UNC5B: variants seen among roughly 807,000 people sequenced by gnomAD.
The protein encoded by UNC5B is unc-5 netrin receptor B, also known as netrin receptor UNC5B.
A neutral mutation model predicts 103.7 loss-of-function variants in UNC5B; 56 were observed. The ratio of observed to expected loss-of-function variants is 0.54; its 90% CI spans 0.44 to 0.67. The LOEUF (loss-of-function observed/expected upper bound fraction) is 0.67, where lower values mean the gene tolerates loss of function less well. Ranked by LOEUF, UNC5B falls within the 30% of genes least tolerant of loss-of-function variation. The pLI is 0.00. For synonymous variants in UNC5B, 577 were observed against 542.0 expected (o/e 1.06, Z -0.90); for missense variants, 1,194 against 1,284.5 (o/e 0.93, Z 1.08).
intron 6 of UNC5B, 84 bp downstream of exon 6, chr10:71,287,849 T>C (rs934788678): frequency 1.9e-5 from 29 of 1,516,672 alleles, no homozygotes; most frequent in Admixed American, 4.7e-5. Flanking sequence ...ACAGCCATTC[T>C]CTCCCCAGCA....
chr10:71,291,959 G>C, intron 10 of UNC5B, 138 bp downstream of exon 10: 2 of 1,325,984 alleles, frequency 1.5e-6, no homozygotes. Flanking sequence ...AAGGCAGGAA[G>C]TGAGTATAAA....
At chr10:71,275,641 G>A (rs983007922) in intron 1 of UNC5B, among the ~76,000 whole-genome samples, 1 of 151,856 alleles carries the variant, frequency 6.6e-6, no homozygotes, top group Non-Finnish European at 1.5e-5. Context: ...CTCTATGCCA[G>A]TCACTTAAAC....
rs977364814 is a variant in UNC5B at position 71,291,813 on chromosome 10, C to A, written c.1676C>A (p.Pro559His). 6.3e-7 allele frequency: 1 copy of A among 1,596,026 alleles called. No individual in the cohort carries two copies. The highest frequency in any genetic ancestry group is 1.7e-5 in the Admixed American group (1 of 59,642). Reference protein sequence around the residue: ...FGCLGGRLSIPGTGVSLLVPN... With the variant: ...FGCLGGRLSIHGTGVSLLVPN... The stretch of plus-strand genomic sequence containing the variant: ...TGCCTGGGTGGGAGGCTCAGCATCC[C>A]CGGCACAGGTGAGCCCCTGCCCTGC... The change falls in exon 10 of 17, where the codon CCC becomes CAC. Residue 559 changes from proline (P) to histidine (H), a missense_variant. By Grantham distance (77) the Pro-to-His change is moderately conservative (BLOSUM62 -2). Coordinates refer to ENST00000335350, the MANE Select transcript of UNC5B (RefSeq NM_170744.5).
chr10:71,242,770 C>A (rs930234260), intron 1 of UNC5B, among the ~76,000 whole-genome samples: 1 of 152,194 alleles, frequency 6.6e-6, no homozygotes, highest in African/African-American at 2.4e-5. Flanking sequence ...GAATCTCACA[C>A]ACACGTGTTG....
intron 1 of UNC5B, among the ~76,000 whole-genome samples, chr10:71,267,640 GGTCAAGAGGA>G (rs919915969): frequency 1.3e-5 from 2 of 152,204 alleles, no homozygotes; most frequent in African/African-American, 4.8e-5. Context: ...CCACAGGCAT[GGTCAAGAGGA>G]GGCCCCCAGG....
rs1285998361 is a variant in UNC5B at position 71,299,397 on chromosome 10, TCTC to T, written c.*130_*132del. 31 of 1,292,660 alleles carry T rather than the reference TCTC, an allele frequency of 2.4e-5. No individual in the cohort carries two copies. Among genetic ancestry groups the T allele is most frequent in the Admixed American group, 6.3e-5 (3 of 47,858 alleles). The allele number at this position is 1,292,660 out of a possible 1,614,324, so 80.1% of individuals were successfully genotyped here. ...CTCCCAGTTCACAGCCAGAGTTGCC[TCTC>T]CTCCTCCTCTTCCCCAACCCCCAGA... On this transcript the variant is annotated 3_prime_UTR_variant, in exon 17 of 17. Transcript: ENST00000335350.
In UNC5B at chr10:71,290,948, C is replaced by T. The variant is rs538475514; in HGVS notation, c.1133C>T (p.Ala378Val). 8.7e-6 allele frequency: 14 copies of T among 1,613,628 alleles called. No individual in the cohort carries two copies. Among genetic ancestry groups the T allele is most frequent in the Admixed American group, 3.3e-5 (2 of 60,020 alleles). Residue 378 changes from alanine to valine, a missense_variant, in exon 9 of 17, where the codon GCG becomes GTG. Coordinates refer to ENST00000335350, the MANE Select transcript of UNC5B (RefSeq NM_170744.5). ...LEASGDAALY[A>V]GLVVAIFVVV... The stretch of plus-strand genomic sequence containing the variant: ...GCCTCAGGGGATGCGGCGCTGTATG[C>T]GGGGCTCGTGGTGGCCATCTTCGTG...
chr10:71,291,252 A>G (rs1460304352), intron 9 of UNC5B, 143 bp downstream of exon 9: 10 of 1,325,564 alleles, frequency 7.5e-6, no homozygotes, highest in Non-Finnish European at 4.1e-6. Context: ...GTGGATGGGT[A>G]TGGATTAGAG....
At chr10:71,219,552 G>A (rs1372331590) in intron 1 of UNC5B, among the ~76,000 whole-genome samples, 7 of 152,134 alleles carry the variant, frequency 4.6e-5, no homozygotes, top group African/African-American at 1.7e-4. Flanking sequence ...GATTAAGGGT[G>A]GGCCTGCCTT....
At chr10:71,285,563 CT>C in intron 4 of UNC5B, 134 bp downstream of exon 4, 1 of 792,898 alleles carries the variant, frequency 1.3e-6, no homozygotes, top group Non-Finnish European at 2.0e-6. Flanking sequence ...GAGATCGAGG[CT>C]TAGCACAGAG....
chr10:71,241,748 C>G (rs1843906785), intron 1 of UNC5B, among the ~76,000 whole-genome samples: 1 of 152,030 alleles, frequency 6.6e-6, no homozygotes, highest in African/African-American at 2.4e-5. Flanking sequence ...TACCATTGCC[C>G]AAGTGGAGGC....
intron 1 of UNC5B, among the ~76,000 whole-genome samples, chr10:71,246,642 AGATGGAAGGAAAG>A (rs1232229390): frequency 6.6e-6 from 1 of 152,196 alleles, no homozygotes; most frequent in Non-Finnish European, 1.5e-5. Flanking sequence ...CTGGATAAGT[AGATGGAAGGAAAG>A]GAGGAAGGAT....
intron 1 of UNC5B, among the ~76,000 whole-genome samples, chr10:71,273,135 C>A (rs1844686326): frequency 1.3e-5 from 2 of 152,264 alleles, no homozygotes; most frequent in Non-Finnish European, 2.9e-5. Context: ...GTGATCCGCC[C>A]GCCTTGGACT....
rs548157808 is a variant in UNC5B, at chr10:71,258,585, GC to G, written c.80-21234del. Among the ~76,000 whole-genome samples, 249 of 152,338 alleles carry G rather than the reference GC, an allele frequency of 1.6e-3. 2 individuals carry two copies. Among genetic ancestry groups the G allele is most frequent in the Middle Eastern group, 3.4e-3 (1 of 294 alleles). The stretch of plus-strand genomic sequence containing the variant: ...AGAGCACCTGAGAGCAGCAGGACAA[GC>G]CGTGGTCTTGGGCAGCGTCCTTTCA... On this transcript the variant is annotated intron_variant, in intron 1 of 16. Transcript: ENST00000335350.
At position 71,262,318 on chromosome 10, in the gene UNC5B, T is replaced by C. The variant is rs558270436; in HGVS notation, c.80-17503T>C. ...CATACTGGGTCCGGGCTGGAGTGGG[T>C]TGGGGGAGGGAGACCACAGTGGAGG... On this transcript the variant is annotated intron_variant, in intron 1 of 16. Transcript: ENST00000335350. 2.2e-4 allele frequency among the ~76,000 whole-genome samples: 32 copies of C among 148,274 alleles called. No homozygotes were observed. The South Asian group carries it at 6.4e-3, about 30-fold the overall frequency.
intron 1 of UNC5B, among the ~76,000 whole-genome samples, chr10:71,232,509 C>T (rs886869893): frequency 6.6e-6 from 1 of 152,254 alleles, no homozygotes; most frequent in African/African-American, 2.4e-5. Context: ...TGGCTCAGCA[C>T]GGGGCTGGAG....
intron 1 of UNC5B, among the ~76,000 whole-genome samples, chr10:71,264,093 ATGG>A (rs1805749653): frequency 6.6e-6 from 1 of 152,176 alleles, no homozygotes; most frequent in African/African-American, 2.4e-5. Flanking sequence ...CTATTTGCTA[ATGG>A]TGGATAGTTC....
rs568146358 is a variant in UNC5B at position 71,224,508 on chromosome 10, C to A, written c.79+11444C>A. On this transcript the variant is annotated intron_variant, in intron 1 of 16. Coordinates refer to ENST00000335350, the MANE Select transcript of UNC5B (RefSeq NM_170744.5). ...GGAAATAAAAAACTGGATTCTAATC[C>A]TAGCCATGTAGCTAATCTGCTTTGT... Among the ~76,000 whole-genome samples the A allele has an allele frequency of 3.9e-5, 6 of 152,142 alleles. No individual in the cohort carries two copies. The South Asian group carries it at 1.2e-3, about 32-fold the overall frequency.
intron 16 of UNC5B, 120 bp downstream of exon 16, chr10:71,298,210 A>G (rs1845494018): frequency 8.1e-7 from 1 of 1,228,630 alleles, no homozygotes; most frequent in East Asian, 2.5e-5. Context: ...CCCTTTTGCC[A>G]CCATTTGTGG....
Sources: allele counts gnomAD v4.1 joint callset (sites outside exome capture counted in the v4.1 genomes callset), GRCh38; gene constraint gnomAD v4.1.1; transcripts MANE v1.5; gene names NCBI Gene and HGNC (gene_info 2026-07-23, HGNC 2026-07-21).